The following FNBP1 variants were observed in gnomAD, a reference collection of about 807,000 sequenced individuals.
FNBP1 encodes the protein formin binding protein 1.
A neutral mutation model predicts 90.6 loss-of-function variants in FNBP1; 26 were observed. That is an observed-to-expected ratio of 0.29 (90% CI 0.21 to 0.40). The LOEUF is 0.40. Among genes scored for constraint, FNBP1 ranks in the 10% least tolerant of loss-of-function variants. The pLI is 1.00. For missense variants in FNBP1, 635 were observed against 768.0 expected (o/e 0.83, Z 2.05); for synonymous variants, 260 against 265.2 (o/e 0.98, Z 0.19).
intron 15 of FNBP1, among the ~76,000 whole-genome samples, chr9:129,898,160 C>T (rs1369391974): frequency 6.6e-6 from 1 of 152,102 alleles, no homozygotes; most frequent in Non-Finnish European, 1.5e-5. Flanking sequence ...TCCTCCATGT[C>T]TTCCAGTGGA....
chr9:129,900,649 T>C lies in FNBP1; in HGVS notation c.1429-102A>G. 1.6e-6 allele frequency: 2 copies of C among 1,216,050 alleles called. No individual in the cohort carries two copies. The highest frequency in any genetic ancestry group is 1.6e-5 in the African/African-American group (1 of 63,664). The allele number at this position is 1,216,050 out of a possible 1,614,324, so 75.3% of individuals were successfully genotyped here. ...GCCATCTGAGGGCCAGCCCGGAGCA[T>C]CCTAAGGTCCCAAACTCAGGGGCTA... On this transcript the variant is annotated intron_variant, in intron 13 of 16. Transcript: ENST00000446176. The surrounding 1 kb of genome is among the most constrained non-coding windows in gnomAD (Gnocchi z 4.1).
chr9:129,922,613 A>G (rs1172762419), intron 10 of FNBP1, among the ~76,000 whole-genome samples: 1 of 152,200 alleles, frequency 6.6e-6, no homozygotes, highest in East Asian at 1.9e-4. Context: ...AGTAAGTGTC[A>G]GCTGCTTTTA....
At chr9:130,029,742 C>T (rs1417397210) in intron 1 of FNBP1, among the ~76,000 whole-genome samples, 2 of 151,874 alleles carry the variant, frequency 1.3e-5, no homozygotes, top group South Asian at 2.1e-4. Flanking sequence ...CCAGCACTTT[C>T]GGAGGCCAAG....
chr9:129,931,174 T>C (rs922129832), intron 6 of FNBP1, among the ~76,000 whole-genome samples: 36 of 152,060 alleles, frequency 2.4e-4, no homozygotes, highest in Non-Finnish European at 4.7e-4. Context: ...TATGTGCCTA[T>C]AGTTCCAGTT....
At chr9:129,920,647 C>A (rs577375923) in intron 10 of FNBP1, among the ~76,000 whole-genome samples, 1 of 152,258 alleles carries the variant, frequency 6.6e-6, no homozygotes, top group African/African-American at 2.4e-5. Context: ...TTACTGAATT[C>A]TTTGGTCTTT....
intron 10 of FNBP1, among the ~76,000 whole-genome samples, chr9:129,916,639 A>C (rs1305871473): frequency 6.6e-6 from 1 of 151,822 alleles, no homozygotes; most frequent in South Asian, 2.1e-4. Context: ...AAAAAAAAAG[A>C]AAAAATATAA....
At chr9:129,960,367 G>A (rs1328500154) in intron 4 of FNBP1, among the ~76,000 whole-genome samples, 1 of 100,286 alleles carries the variant, frequency 1.0e-5, no homozygotes, top group Non-Finnish European at 1.8e-5. Context: ...CTGGGTGACA[G>A]ATCAAGACTC....
intron 4 of FNBP1, among the ~76,000 whole-genome samples, chr9:129,961,182 G>A (rs1293322041): frequency 2.6e-5 from 4 of 151,582 alleles, no homozygotes; most frequent in African/African-American, 4.9e-5. Context: ...GCATGGTGGC[G>A]CATGCCTGTA....
intron 3 of FNBP1, 24 bp downstream of exon 3, chr9:129,979,294 G>A: frequency 6.7e-7 from 1 of 1,492,488 alleles, no homozygotes; most frequent in South Asian, 1.1e-5. Context: ...TCTATTACAA[G>A]ACAATTTTCA....
intron 1 of FNBP1, among the ~76,000 whole-genome samples, chr9:130,036,235 T>C (rs1317237286): frequency 1.3e-5 from 2 of 152,194 alleles, no homozygotes; most frequent in African/African-American, 4.8e-5. Flanking sequence ...TATTTTTAAA[T>C]GTGGGTGGTG....
intron 4 of FNBP1, among the ~76,000 whole-genome samples, chr9:129,977,935 T>A (rs1296892806): frequency 6.6e-6 from 1 of 152,176 alleles, no homozygotes; most frequent in Non-Finnish European, 1.5e-5. Context: ...GGTCCACAGA[T>A]GAGTTTCAGA....
intron 7 of FNBP1, among the ~76,000 whole-genome samples, chr9:129,928,048 G>A (rs2042176559): frequency 6.6e-6 from 1 of 152,180 alleles, no homozygotes; most frequent in Non-Finnish European, 1.5e-5. Flanking sequence ...ACATGCTAGT[G>A]TATCTTCCAA....
chr9:129,897,162 C>T (rs1003187241), intron 15 of FNBP1, among the ~76,000 whole-genome samples: 2 of 152,164 alleles, frequency 1.3e-5, no homozygotes, highest in African/African-American at 2.4e-5. Context: ...CTCTGGGAGC[C>T]GTCTTGGATT....
At chr9:129,996,994 C>T (rs780272305) in intron 1 of FNBP1, among the ~76,000 whole-genome samples, 4 of 151,996 alleles carry the variant, frequency 2.6e-5, no homozygotes, top group Admixed American at 6.6e-5. Flanking sequence ...TGCCTCCGGC[C>T]GGCCTGTTTT....
intron 12 of FNBP1, among the ~76,000 whole-genome samples, chr9:129,907,580 GGTGTGTGTGTGTGT>G (rs55973122): frequency 0.69 from 101,168 of 147,152 alleles, 35,082 homozygotes; most frequent in East Asian, 0.83. Context: ...TAGGAGTGAG[GGTGTGTGTGTGTGT>G]GTGTGTGTGT....
intron 8 of FNBP1, among the ~76,000 whole-genome samples, chr9:129,925,810 T>C (rs1394239014): frequency 6.6e-6 from 1 of 151,588 alleles, no homozygotes; most frequent in Non-Finnish European, 1.5e-5. Flanking sequence ...GCCAGGCTGG[T>C]CTCAAATTCT....
chr9:129,999,783 C>A (rs1465770323), intron 1 of FNBP1, among the ~76,000 whole-genome samples: 1 of 152,040 alleles, frequency 6.6e-6, no homozygotes, highest in Non-Finnish European at 1.5e-5. Flanking sequence ...TAAAACTGTA[C>A]TTTCCAAAAC....
At chr9:129,984,984 A>G (rs1374651138) in intron 2 of FNBP1, among the ~76,000 whole-genome samples, 1 of 152,044 alleles carries the variant, frequency 6.6e-6, no homozygotes, top group Non-Finnish European at 1.5e-5. Flanking sequence ...ATGGACTAAT[A>G]CAATTAGGGC....
At chr9:130,026,272 T>A (rs1278275539) in intron 1 of FNBP1, among the ~76,000 whole-genome samples, 1 of 151,764 alleles carries the variant, frequency 6.6e-6, no homozygotes, top group South Asian at 2.1e-4. Context: ...AGGTGGGTGA[T>A]CATCTGAGGT....
Sources: allele counts gnomAD v4.1 joint callset (sites outside exome capture counted in the v4.1 genomes callset), GRCh38; gene constraint gnomAD v4.1.1; non-coding constraint Gnocchi (gnomAD v3.1); transcripts MANE v1.5; gene names NCBI Gene and HGNC (gene_info 2026-07-23, HGNC 2026-07-21).